Variants in FHIT observed in about 807,000 individuals in gnomAD.
The protein encoded by FHIT is fragile histidine triad diadenosine triphosphatase, also known as bis(5'-adenosyl)-triphosphatase.
Under a neutral mutation model 17.9 loss-of-function variants are expected in FHIT, and 19 were observed. The ratio of observed to expected loss-of-function variants is 1.06; its 90% CI spans 0.74 to 1.56. The LOEUF (loss-of-function observed/expected upper bound fraction) is 1.56, where lower values mean the gene tolerates loss of function less well. Ranked by LOEUF, FHIT falls within the 40% of genes most tolerant of loss-of-function variation. The pLI, the probability that FHIT is intolerant of heterozygous loss-of-function variation, is 0.00. For missense variants in FHIT, 248 were observed against 189.2 expected (o/e 1.31, Z -1.82); for synonymous variants, 81 against 69.7 (o/e 1.16, Z -0.81).
intron 2 of FHIT, among the ~76,000 whole-genome samples, chr3:61,168,287 C>T (rs2037899425): frequency 6.6e-6 from 1 of 152,178 alleles, no homozygotes; most frequent in Non-Finnish European, 1.5e-5. Flanking sequence ...AAAATACTTA[C>T]TGTCTGGCCC....
intron 5 of FHIT, among the ~76,000 whole-genome samples, chr3:60,466,817 C>T (rs2032819917): frequency 8.0e-6 from 1 of 125,552 alleles, no homozygotes; most frequent in African/African-American, 3.5e-5. Context: ...GGGTTACTTG[C>T]CTGCAGTTTT....
chr3:60,045,524 A>C (rs939084101), intron 5 of FHIT, among the ~76,000 whole-genome samples: 5 of 152,142 alleles, frequency 3.3e-5, no homozygotes, highest in Non-Finnish European at 5.9e-5. Context: ...TATCCCTCCC[A>C]CAACACGTGA....
chr3:60,158,618 T>C (rs1354653054), intron 5 of FHIT, among the ~76,000 whole-genome samples: 1 of 152,138 alleles, frequency 6.6e-6, no homozygotes, highest in African/African-American at 2.4e-5. Flanking sequence ...GGCCTCATAC[T>C]TTCTCTAAGC....
chr3:60,904,437 A>T (rs1553763975), intron 3 of FHIT, among the ~76,000 whole-genome samples: 1 of 151,820 alleles, frequency 6.6e-6, no homozygotes, highest in Non-Finnish European at 1.5e-5. Flanking sequence ...CTGTACAACT[A>T]GATGTGGGGA....
intron 3 of FHIT, among the ~76,000 whole-genome samples, chr3:60,945,750 T>A (rs1485600032): frequency 6.6e-6 from 1 of 151,960 alleles, no homozygotes; most frequent in Admixed American, 6.6e-5. Context: ...CTAGAGAAAA[T>A]AAGGTAGTTT....
intron 5 of FHIT, among the ~76,000 whole-genome samples, chr3:60,115,685 A>T (rs1429440970): frequency 6.6e-6 from 1 of 152,222 alleles, no homozygotes; most frequent in East Asian, 1.9e-4. Flanking sequence ...AAACTAAATG[A>T]GAGAACAAAT....
At chr3:59,924,281 TTTC>T (rs1354531281) in intron 7 of FHIT, among the ~76,000 whole-genome samples, 1 of 152,174 alleles carries the variant, frequency 6.6e-6, no homozygotes, top group East Asian at 1.9e-4. Flanking sequence ...CTTTTTGTCC[TTTC>T]TTCTTTCTGT....
chr3:60,017,113 C>A (rs1057259324), intron 5 of FHIT, among the ~76,000 whole-genome samples: 5 of 152,270 alleles, frequency 3.3e-5, no homozygotes, highest in South Asian at 2.1e-4. Flanking sequence ...TTCATGACTC[C>A]ATTTTTGCCT....
At chr3:59,783,400 T>C (rs1274730548) in intron 8 of FHIT, among the ~76,000 whole-genome samples, 1 of 151,952 alleles carries the variant, frequency 6.6e-6, no homozygotes, top group African/African-American at 2.4e-5. Context: ...ACTCCGGAGG[T>C]GTAGGTTGCA....
At chr3:61,024,043 T>C (rs1413420680) in intron 3 of FHIT, among the ~76,000 whole-genome samples, 1 of 152,056 alleles carries the variant, frequency 6.6e-6, no homozygotes, top group Non-Finnish European at 1.5e-5. Context: ...TTGGACAGTA[T>C]TATAAAAGCC....
intron 4 of FHIT, among the ~76,000 whole-genome samples, chr3:60,741,560 A>G (rs1216617521): frequency 6.6e-6 from 1 of 152,186 alleles, no homozygotes; most frequent in Non-Finnish European, 1.5e-5. Flanking sequence ...GATAATACAC[A>G]CTTTACATCT....
intron 7 of FHIT, among the ~76,000 whole-genome samples, chr3:59,957,291 G>T (rs13094466): frequency 0.11 from 17,113 of 152,204 alleles, 1,213 homozygotes; most frequent in Middle Eastern, 0.17. Context: ...AGAAACCAGG[G>T]GTGTGCATTC....
At chr3:60,397,423 G>A (rs1362731808) in intron 5 of FHIT, among the ~76,000 whole-genome samples, 1 of 152,118 alleles carries the variant, frequency 6.6e-6, no homozygotes, top group Admixed American at 6.5e-5. Context: ...GGTCTGGCAG[G>A]CCAACTAGGA....
chr3:60,193,152 A>G (rs1702479661), intron 5 of FHIT, among the ~76,000 whole-genome samples: 1 of 152,208 alleles, frequency 6.6e-6, no homozygotes, highest in Non-Finnish European at 1.5e-5. Context: ...AAATATGAAC[A>G]CTTAGAATGC....
intron 5 of FHIT, among the ~76,000 whole-genome samples, chr3:60,144,151 G>A (rs1700143177): frequency 6.6e-6 from 1 of 152,204 alleles, no homozygotes; most frequent in Non-Finnish European, 1.5e-5. Flanking sequence ...CTTCTCACAT[G>A]AGCAAAGCTA....
At chr3:60,130,804 T>A (rs1699525723) in intron 5 of FHIT, among the ~76,000 whole-genome samples, 1 of 146,816 alleles carries the variant, frequency 6.8e-6, no homozygotes. Context: ...TACACACATA[T>A]ATATGTGTGT....
intron 2 of FHIT, among the ~76,000 whole-genome samples, chr3:61,173,052 T>C (rs1030533536): frequency 1.3e-5 from 2 of 152,194 alleles, no homozygotes; most frequent in Non-Finnish European, 2.9e-5. Flanking sequence ...GGCCAGATGT[T>C]GCCATGTCTT....
chr3:60,334,866 CTGTG>C (rs1576493174), intron 5 of FHIT, among the ~76,000 whole-genome samples: 2 of 152,182 alleles, frequency 1.3e-5, no homozygotes, highest in African/African-American at 2.4e-5. Flanking sequence ...AATGTACAGC[CTGTG>C]TGTATTTTTT....
At chr3:59,812,111 A>G (rs766709265) in intron 8 of FHIT, among the ~76,000 whole-genome samples, 1 of 152,146 alleles carries the variant, frequency 6.6e-6, no homozygotes, top group African/African-American at 2.4e-5. Context: ...GGGAGAGGGT[A>G]GATGCTACTG....
Sources: gnomAD v4.1 joint callset for allele counts (sites outside exome capture counted in the v4.1 genomes callset) on GRCh38, gnomAD v4.1.1 for gene constraint, MANE v1.5 for transcripts, NCBI Gene and HGNC (gene_info 2026-07-23, HGNC 2026-07-21) for gene names.